The following PHF20 variants were observed in gnomAD, a reference collection of about 807,000 sequenced individuals.
PHF20 encodes the protein PHD finger protein 20, also known as glioma-expressed antigen 2.
PHF20 carries 23 observed loss-of-function variants against 113.5 expected under a neutral mutation model. That is an observed-to-expected ratio of 0.20 (90% CI 0.15 to 0.29). PHF20 has a LOEUF of 0.29. PHF20 is among the 10% of genes least tolerant of loss of function. The pLI is 1.00. For synonymous variants in PHF20, 434 were observed against 457.3 expected (o/e 0.95, Z 0.65); for missense variants, 943 against 1,219.6 (o/e 0.77, Z 3.38).
intron 2 of PHF20, among the ~76,000 whole-genome samples, chr20:35,804,524 C>T (rs1001485145): frequency 6.6e-6 from 1 of 152,028 alleles, no homozygotes; most frequent in Non-Finnish European, 1.5e-5. Flanking sequence ...GCGTGAGCCA[C>T]CGCGCCCAGC....
intron 2 of PHF20, among the ~76,000 whole-genome samples, chr20:35,808,372 A>T (rs2041920909): frequency 6.6e-6 from 1 of 152,040 alleles, no homozygotes; most frequent in African/African-American, 2.4e-5. Context: ...ACAGGAACGC[A>T]TCCGAGAGTT....
intron 1 of PHF20, among the ~76,000 whole-genome samples, chr20:35,792,986 G>T (rs2146850782): frequency 6.6e-6 from 1 of 152,274 alleles, no homozygotes; most frequent in East Asian, 1.9e-4. Context: ...ACCTGTCTGT[G>T]CACCCATCCC....
At chr20:35,930,505 TGAAA>T (rs2055732253) in intron 14 of PHF20, among the ~76,000 whole-genome samples, 1 of 150,378 alleles carries the variant, frequency 6.6e-6, no homozygotes, top group Non-Finnish European at 1.5e-5. Flanking sequence ...CAAAAAAAAA[TGAAA>T]GAAAGAAAGA....
chr20:35,812,231 CTT>C (rs897882527), intron 2 of PHF20, among the ~76,000 whole-genome samples: 1 of 152,102 alleles, frequency 6.6e-6, no homozygotes, highest in African/African-American at 2.4e-5. Context: ...TTCAGATGTT[CTT>C]GTTGTTCCAA....
intron 1 of PHF20, among the ~76,000 whole-genome samples, chr20:35,797,213 C>A (rs976007957): frequency 3.3e-5 from 5 of 150,602 alleles, no homozygotes; most frequent in Non-Finnish European, 5.9e-5. Flanking sequence ...ATTTAAATAA[C>A]CTTAAAAGAA....
At chr20:35,861,318 G>T (rs2146969388) in intron 5 of PHF20, among the ~76,000 whole-genome samples, 1 of 152,164 alleles carries the variant, frequency 6.6e-6, no homozygotes, top group Admixed American at 6.5e-5. Flanking sequence ...AGATATCATT[G>T]TTCTTAACGT....
chr20:35,780,339 C>T (rs1031777930), intron 1 of PHF20, among the ~76,000 whole-genome samples: 3 of 150,546 alleles, frequency 2.0e-5, no homozygotes, highest in African/African-American at 7.3e-5. Flanking sequence ...CATTCTCCTG[C>T]CTCAGCCTCC....
At chr20:35,891,010 A>G (rs2054839488) in intron 9 of PHF20, among the ~76,000 whole-genome samples, 3 of 152,358 alleles carry the variant, frequency 2.0e-5, no homozygotes, top group Middle Eastern at 3.4e-3. Flanking sequence ...ACAATGAGGA[A>G]ACAGTCTTGG....
chr20:35,872,015 A>T, intron 9 of PHF20, 186 bp downstream of exon 9: 1 of 400,840 alleles, frequency 2.5e-6, no homozygotes, highest in Admixed American at 4.3e-5. Context: ...TCTTAGTATG[A>T]CTAGGGCTTT....
At chr20:35,921,828 C>A (rs1336579973) in intron 13 of PHF20, among the ~76,000 whole-genome samples, 1 of 152,150 alleles carries the variant, frequency 6.6e-6, no homozygotes, top group African/African-American at 2.4e-5. Context: ...AGCATATGCT[C>A]AGTTCCAGGC....
At chr20:35,808,445 T>C (rs1285803863) in intron 2 of PHF20, among the ~76,000 whole-genome samples, 2 of 152,166 alleles carry the variant, frequency 1.3e-5, no homozygotes, top group African/African-American at 4.8e-5. Context: ...ATTAAAGAAG[T>C]TCATGCCTAT....
intron 2 of PHF20, among the ~76,000 whole-genome samples, chr20:35,830,319 C>G (rs956287048): frequency 3.9e-5 from 6 of 152,210 alleles, no homozygotes; most frequent in Non-Finnish European, 7.3e-5. Flanking sequence ...TTTCATTAAT[C>G]TGGCTACTCT....
At chr20:35,913,995 C>A in intron 11 of PHF20, 38 bp from the exon 12 acceptor site, 1 of 1,602,344 alleles carries the variant, frequency 6.2e-7, no homozygotes, top group Middle Eastern at 1.7e-4. Context: ...CCAGTGTTAA[C>A]TAGGGTTATT....
chr20:35,832,838 A>G (rs1172527630), intron 2 of PHF20, among the ~76,000 whole-genome samples: 1 of 152,140 alleles, frequency 6.6e-6, no homozygotes, highest in African/African-American at 2.4e-5. Flanking sequence ...TCACGAGGTC[A>G]GGAGTTCGAG....
chr20:35,833,711 A>T (rs763295765), intron 2 of PHF20, among the ~76,000 whole-genome samples: 2 of 152,128 alleles, frequency 1.3e-5, no homozygotes, highest in Non-Finnish European at 2.9e-5. Flanking sequence ...TAGTTAGAAA[A>T]AATGGGACTC....
intron 9 of PHF20, among the ~76,000 whole-genome samples, chr20:35,881,905 A>C (rs1050145907): frequency 6.6e-6 from 1 of 152,190 alleles, no homozygotes; most frequent in Non-Finnish European, 1.5e-5. Context: ...TCACCTTCCT[A>C]TTGATTCTGC....
chr20:35,948,824 CTTTGT>C lies in PHF20; in HGVS notation c.*1201_*1205del, dbSNP rs1309946983. The C allele has an allele frequency of 6.6e-6, 1 of 152,628 alleles. No homozygotes were observed. Among genetic ancestry groups the C allele is most frequent in the Non-Finnish European group, 1.5e-5 (1 of 68,036 alleles). 9.5% of individuals were successfully genotyped at this position (152,628 alleles called of 1,614,324 possible). On this transcript the variant is annotated 3_prime_UTR_variant, in exon 18 of 18. Transcript: ENST00000374012. ...CTTTGAGGAGTGACCCATTTCACTA[CTTTGT>C]TTTCTTATCACTAAAGGCAAAAATC...
intron 2 of PHF20, among the ~76,000 whole-genome samples, chr20:35,835,087 C>A (rs1386207115): frequency 1.3e-5 from 2 of 151,882 alleles, no homozygotes; most frequent in Non-Finnish European, 2.9e-5. Context: ...CCATCCTGGC[C>A]AACATGCTGA....
At chr20:35,947,386 C>A in intron 17 of PHF20, 99 bp from the exon 18 acceptor site, 2 of 1,313,172 alleles carry the variant, frequency 1.5e-6, no homozygotes, top group Non-Finnish European at 2.1e-6. Context: ...CCTCCCTTGC[C>A]CCATGTCTGA....
Sources: allele counts gnomAD v4.1 joint callset (sites outside exome capture counted in the v4.1 genomes callset), GRCh38; gene constraint gnomAD v4.1.1; transcripts MANE v1.5; gene names NCBI Gene and HGNC (gene_info 2026-07-23, HGNC 2026-07-21).